Variants in ERBB4 observed in about 807,000 individuals in gnomAD.
The protein encoded by ERBB4 is receptor tyrosine-protein kinase erbB-4.
Under a neutral mutation model 158.0 loss-of-function variants are expected in ERBB4, and 42 were observed. The observed-to-expected ratio is 0.27, with a 90% confidence interval of 0.21 to 0.34. The LOEUF (loss-of-function observed/expected upper bound fraction) is 0.34, where lower values mean the gene tolerates loss of function less well. ERBB4 is among the 10% of genes least tolerant of loss of function. ERBB4 has a pLI of 1.00. For synonymous variants in ERBB4, 583 were observed against 558.7 expected (o/e 1.04, Z -0.61); for missense variants, 1,333 against 1,624.1 (o/e 0.82, Z 3.08).
intron 3 of ERBB4, among the ~76,000 whole-genome samples, chr2:211,898,799 C>T (rs1215295847): frequency 2.0e-5 from 3 of 152,094 alleles, no homozygotes; most frequent in Non-Finnish European, 4.4e-5. Context: ...TTGAAACCTC[C>T]TGTAGTCAGT....
At chr2:211,850,600 C>T (rs1291458900) in intron 3 of ERBB4, among the ~76,000 whole-genome samples, 5 of 151,722 alleles carry the variant, frequency 3.3e-5, no homozygotes, top group Non-Finnish European at 5.9e-5. Flanking sequence ...GATAAGTTAA[C>T]AATTGACAGA....
At chr2:212,384,105 A>G (rs1395438802) in intron 1 of ERBB4, among the ~76,000 whole-genome samples, 1 of 151,590 alleles carries the variant, frequency 6.6e-6, no homozygotes, top group Non-Finnish European at 1.5e-5. Context: ...TACATTCCAG[A>G]CCCAGTGGCT....
intron 2 of ERBB4, among the ~76,000 whole-genome samples, chr2:212,095,891 T>G (rs1375770432): frequency 7.0e-6 from 1 of 142,378 alleles, no homozygotes. Context: ...GCCGAGATGG[T>G]GCTACTGCAC....
intron 19 of ERBB4, among the ~76,000 whole-genome samples, chr2:211,597,007 C>G (rs750617293): frequency 1.3e-5 from 2 of 152,164 alleles, no homozygotes; most frequent in Non-Finnish European, 2.9e-5. Flanking sequence ...CTCAGGTGAT[C>G]CACCTGCCTC....
chr2:212,136,026 T>A (rs904073358), intron 1 of ERBB4, among the ~76,000 whole-genome samples: 1 of 152,190 alleles, frequency 6.6e-6, no homozygotes, highest in South Asian at 2.1e-4. Flanking sequence ...TTCTCTAGAT[T>A]ATCATGCCTT....
chr2:212,387,429 A>G (rs1474268824), intron 1 of ERBB4, among the ~76,000 whole-genome samples: 1 of 151,630 alleles, frequency 6.6e-6, no homozygotes, highest in African/African-American at 2.4e-5. Context: ...CTTTGATACA[A>G]TCTGCCTCTT....
At chr2:212,281,840 G>C (rs1372423101) in intron 1 of ERBB4, among the ~76,000 whole-genome samples, 1 of 151,660 alleles carries the variant, frequency 6.6e-6, no homozygotes, top group East Asian at 1.9e-4. Context: ...TTCCAAAATA[G>C]TAACAAGGGT....
intron 1 of ERBB4, among the ~76,000 whole-genome samples, chr2:212,308,028 T>G (rs1159349418): frequency 6.6e-6 from 1 of 150,922 alleles, no homozygotes; most frequent in Admixed American, 6.6e-5. Flanking sequence ...GTATTTTCTA[T>G]CTCTACCTTA....
rs1369345401 is a variant in ERBB4, at chr2:212,422,334, G to C, written c.82+116115C>G. Among the ~76,000 whole-genome samples the C allele has an allele frequency of 2.0e-5, 3 of 152,126 alleles. No homozygotes were observed. In the South Asian group the frequency reaches 6.2e-4, roughly 32 times the overall value. ...AGTCTGGCCAACATGCTGAAACCCT[G>C]TCTCTACTAAAAATACAAAAATTAG... is the stretch of plus-strand genomic sequence containing the variant. On this transcript the variant is annotated intron_variant, in intron 1 of 27. Coordinates refer to ENST00000342788, the MANE Select transcript of ERBB4 (RefSeq NM_005235.3).
At chr2:212,262,516 T>A (rs2084983745) in intron 1 of ERBB4, among the ~76,000 whole-genome samples, 1 of 152,120 alleles carries the variant, frequency 6.6e-6, no homozygotes, top group Admixed American at 6.6e-5. Context: ...TAAAATATAT[T>A]TATATCATAA....
chr2:212,359,085 C>T (rs1002494144), intron 1 of ERBB4, among the ~76,000 whole-genome samples: 2 of 151,586 alleles, frequency 1.3e-5, no homozygotes, highest in Admixed American at 6.6e-5. Flanking sequence ...TCATATTTTG[C>T]CACATAATTT....
intron 20 of ERBB4, among the ~76,000 whole-genome samples, chr2:211,441,302 C>T (rs2063969318): frequency 6.6e-6 from 1 of 152,098 alleles, no homozygotes; most frequent in Admixed American, 6.6e-5. Context: ...CAGATATCAT[C>T]ACATTACTTA....
chr2:212,455,419 C>T (rs1574952622), intron 1 of ERBB4, among the ~76,000 whole-genome samples: 1 of 141,538 alleles, frequency 7.1e-6, no homozygotes, highest in African/African-American at 2.5e-5. Flanking sequence ...GTAGAACTTT[C>T]TGCAATGATG....
intron 1 of ERBB4, among the ~76,000 whole-genome samples, chr2:212,487,954 T>A (rs1252383162): frequency 2.0e-5 from 3 of 152,100 alleles, no homozygotes; most frequent in Non-Finnish European, 4.4e-5. Flanking sequence ...GCTTCTATAT[T>A]TTTCACTTTG....
At chr2:211,679,687 C>CTT (rs56413763) in intron 12 of ERBB4, among the ~76,000 whole-genome samples, 150,290 of 152,250 alleles carry the variant, frequency 0.99, 74,183 homozygotes, top group East Asian at 1. Context: ...CAAGTTTTCT[C>CTT]GTTTGTTTTT....
chr2:211,952,042 T>G (rs147233652), intron 2 of ERBB4, among the ~76,000 whole-genome samples: 1 of 152,056 alleles, frequency 6.6e-6, no homozygotes, highest in Admixed American at 6.6e-5. Flanking sequence ...CAACCCAAGA[T>G]GTGTTGCTCT....
At chr2:211,734,436 G>A (rs1051978541) in intron 5 of ERBB4, among the ~76,000 whole-genome samples, 1 of 151,914 alleles carries the variant, frequency 6.6e-6, no homozygotes, top group Non-Finnish European at 1.5e-5. Context: ...ATTCACATGT[G>A]ACCAAGCAGT....
At chr2:212,422,627 G>A (rs2091821165) in intron 1 of ERBB4, among the ~76,000 whole-genome samples, 1 of 152,164 alleles carries the variant, frequency 6.6e-6, no homozygotes, top group Admixed American at 6.5e-5. Context: ...ACTTTCACCA[G>A]GTGTAATCCA....
At chr2:212,046,262 C>T (rs2077259626) in intron 2 of ERBB4, among the ~76,000 whole-genome samples, 1 of 152,084 alleles carries the variant, frequency 6.6e-6, no homozygotes, top group Admixed American at 6.6e-5. Flanking sequence ...TACGAGACAC[C>T]TAAGAGAATA....
Sources: allele counts gnomAD v4.1 joint callset (sites outside exome capture counted in the v4.1 genomes callset), GRCh38; gene constraint gnomAD v4.1.1; transcripts MANE v1.5; gene names NCBI Gene and HGNC (gene_info 2026-07-23, HGNC 2026-07-21).